Variants in CNKSR2 observed in about 807,000 individuals in gnomAD.
The protein encoded by CNKSR2 is CNK homolog protein 2.
CNKSR2 carries 14 observed loss-of-function variants against 84.4 expected under a neutral mutation model. The observed-to-expected ratio is 0.17, with a 90% CI of 0.11 to 0.26. The LOEUF (loss-of-function observed/expected upper bound fraction) is 0.26, where lower values mean the gene tolerates loss of function less well. Ranked by LOEUF, CNKSR2 falls within the 10% of genes least tolerant of loss-of-function variation. The probability of loss-of-function intolerance (pLI) is 1.00; values close to 1 mark genes in which losing one functional copy is unlikely to be tolerated. For synonymous variants in CNKSR2, 275 were observed against 277.9 expected, an observed-to-expected ratio of 0.99 and a Z score of 0.10; for missense variants, 485 against 771.2, an observed-to-expected ratio of 0.63 and a Z score of 4.40.
intron 20 of CNKSR2, among the ~76,000 whole-genome samples, chrX:21,628,415 G>A (rs779172855): frequency 2.7e-5 from 3 of 111,663 alleles, no homozygotes; most frequent in African/African-American, 6.5e-5. Flanking sequence ...GACTCTGTGT[G>A]GGGGCTCTGA....
chrX:21,517,585 CTGAT>C (rs2091740333), intron 9 of CNKSR2, among the ~76,000 whole-genome samples: 1 of 110,833 alleles, frequency 9.0e-6, no homozygotes, highest in Admixed American at 9.6e-5. Flanking sequence ...AAATATGATT[CTGAT>C]TGATGAAAGG....
intron 20 of CNKSR2, chrX:21,642,681 T>C (rs1390584797): frequency 4.2e-6 from 3 of 718,461 alleles, no homozygotes; most frequent in Non-Finnish European, 4.9e-6. Context: ...ATAATGTGAA[T>C]ACCTGTAAAA....
intron 20 of CNKSR2, among the ~76,000 whole-genome samples, chrX:21,612,510 G>C (rs868454901): frequency 2.7e-5 from 3 of 112,339 alleles, no homozygotes; most frequent in Non-Finnish European, 5.6e-5. Flanking sequence ...TTAATGTCTA[G>C]TTCCAAACGT....
At chrX:21,620,373 GTTCAT>G (rs1223768766) in intron 20 of CNKSR2, among the ~76,000 whole-genome samples, 2 of 110,401 alleles carry the variant, frequency 1.8e-5, no homozygotes, top group African/African-American at 6.6e-5. Flanking sequence ...AAGAAAAAGG[GTTCAT>G]TTAAGAGATG....
intron 20 of CNKSR2, among the ~76,000 whole-genome samples, chrX:21,631,007 T>A (rs888152333): frequency 9.0e-5 from 10 of 110,750 alleles, no homozygotes; most frequent in Admixed American, 4.8e-4. Context: ...TTATAGCTAA[T>A]TTTTAATATT....
chrX:21,431,299 T>G (rs769527775), intron 2 of CNKSR2, among the ~76,000 whole-genome samples: 1 of 111,785 alleles, frequency 8.9e-6, no homozygotes, highest in African/African-American at 3.2e-5. Flanking sequence ...CCACTTTGAC[T>G]TAATTATTGT....
At chrX:21,503,237 A>G (rs2147069772) in intron 8 of CNKSR2, 2 of 293,001 alleles carry the variant, frequency 6.8e-6, no homozygotes, top group Middle Eastern at 9.0e-4. Flanking sequence ...GCATCTTTAC[A>G]TCACAGGAAT....
At chrX:21,548,142 T>C (rs1298420988) in intron 11 of CNKSR2, among the ~76,000 whole-genome samples, 1 of 111,719 alleles carries the variant, frequency 9.0e-6, no homozygotes, top group Non-Finnish European at 1.9e-5. Context: ...AAGAGGTGGT[T>C]TTTTGAAAAG....
At chrX:21,498,410 A>G (rs998777423) in intron 7 of CNKSR2, among the ~76,000 whole-genome samples, 2 of 111,664 alleles carry the variant, frequency 1.8e-5, no homozygotes, top group African/African-American at 6.5e-5. Flanking sequence ...AAGAGATTCT[A>G]TTTTAACAAG....
chrX:21,612,427 C>G (rs1282333496), intron 20 of CNKSR2, among the ~76,000 whole-genome samples: 1 of 112,279 alleles, frequency 8.9e-6, no homozygotes, highest in Non-Finnish European at 1.9e-5. Context: ...CTGTCCTGCT[C>G]CAGGCCAGCA....
chrX:21,642,148 A>C lies in CNKSR2; in HGVS notation c.2693-6683A>C, dbSNP rs773147581. On this transcript the variant is annotated intron_variant, in intron 20 of 21. Coordinates refer to ENST00000379510, the MANE Select transcript of CNKSR2 (RefSeq NM_014927.5). ...TGTACTAAATTAAGTGTAATCTATT[A>C]AGGCAAGGTATACACAATTTGCTTT... 1.1e-5 allele frequency: 8 copies of C among 746,108 alleles called. No individual in the cohort carries two copies. The East Asian group carries it at 1.2e-3, about 113-fold the overall frequency. 61.5% of individuals were successfully genotyped at this position (746,108 alleles called of 1,213,427 possible).
intron 11 of CNKSR2, among the ~76,000 whole-genome samples, chrX:21,533,132 G>A (rs2091899609): frequency 9.0e-6 from 1 of 110,753 alleles, no homozygotes; most frequent in African/African-American, 3.3e-5. Flanking sequence ...CTGTACATGT[G>A]CTTTTTAATC....
chrX:21,407,782 T>G (rs1023806170), intron 1 of CNKSR2, among the ~76,000 whole-genome samples: 60 of 112,021 alleles, frequency 5.4e-4, no homozygotes, highest in African/African-American at 1.8e-3. Flanking sequence ...ACTTAAAGTT[T>G]CCTTTATCAT....
intron 7 of CNKSR2, among the ~76,000 whole-genome samples, chrX:21,498,510 G>A (rs1272526401): frequency 8.9e-6 from 1 of 111,985 alleles, no homozygotes; most frequent in African/African-American, 3.2e-5. Flanking sequence ...CATCTTAATG[G>A]CAGTGTAATT....
chrX:21,544,809 C>T (rs1280328199), intron 11 of CNKSR2, among the ~76,000 whole-genome samples: 4 of 111,140 alleles, frequency 3.6e-5, no homozygotes, highest in Non-Finnish European at 7.6e-5. Context: ...CTCCCCTAGC[C>T]AAGGGAAGCC....
chrX:21,457,270 A>AT lies in CNKSR2; in HGVS notation c.520-13493dup, dbSNP rs1480510796. 8.1e-5 allele frequency among the ~76,000 whole-genome samples: 9 copies of AT among 111,471 alleles called. No homozygotes were observed. The East Asian group carries it at 2.5e-3, about 31-fold the overall frequency. ...TTGCTTTTATTGCCTGTGACTACAA[A>AT]TTTATATTGTACTATATACACATTT... On this transcript the variant is annotated intron_variant, in intron 4 of 21. Coordinates refer to ENST00000379510, the MANE Select transcript of CNKSR2 (RefSeq NM_014927.5).
chrX:21,454,614 C>G (rs1400735985), intron 4 of CNKSR2, among the ~76,000 whole-genome samples: 1 of 111,743 alleles, frequency 8.9e-6, no homozygotes, highest in Non-Finnish European at 1.9e-5. Flanking sequence ...ATTCAAAAGC[C>G]TTGCCTTCTC....
chrX:21,505,510 C>T (rs1013043628), intron 8 of CNKSR2: 1 of 111,178 alleles, frequency 9.0e-6, no homozygotes, highest in South Asian at 3.8e-4. Context: ...AAATGATAAA[C>T]ATTGTTGAGC....
intron 1 of CNKSR2, among the ~76,000 whole-genome samples, chrX:21,400,613 C>T (rs997721317): frequency 3.6e-5 from 4 of 111,063 alleles, no homozygotes; most frequent in African/African-American, 6.5e-5. Context: ...TTTAGGGGCA[C>T]GGCCAGAAAT....
Sources: gnomAD v4.1 joint callset for allele counts (sites outside exome capture counted in the v4.1 genomes callset) on GRCh38, gnomAD v4.1.1 for gene constraint, MANE v1.5 for transcripts, NCBI Gene and HGNC (gene_info 2026-07-23, HGNC 2026-07-21) for gene names.